The following TYW1B variants were observed in gnomAD, a reference collection of about 807,000 sequenced individuals.
The protein encoded by TYW1B is S-adenosyl-L-methionine-dependent tRNA 4-demethylwyosine synthase TYW1B.
TYW1B carries 73 observed loss-of-function variants against 86.9 expected under a neutral mutation model. That is an observed-to-expected ratio of 0.84 (90% CI 0.70 to 1.02). The LOEUF (loss-of-function observed/expected upper bound fraction) is 1.02, where lower values mean the gene tolerates loss of function less well. TYW1B is among the 50% of genes least tolerant of loss of function. TYW1B has a pLI of 0.00. For synonymous variants in TYW1B, 248 were observed against 292.8 expected (o/e 0.85, Z 1.56); for missense variants, 637 against 827.4 (o/e 0.77, Z 2.82).
At chr7:72,615,293 C>T (rs1812042543) in intron 13 of TYW1B, among the ~76,000 whole-genome samples, 2 of 152,202 alleles carry the variant, frequency 1.3e-5, no homozygotes, top group South Asian at 4.1e-4. Context: ...CCTTTGAATA[C>T]TGCCAATGGT....
At chr7:72,799,598 T>A (rs1304510295) in intron 6 of TYW1B, among the ~76,000 whole-genome samples, 2 of 152,098 alleles carry the variant, frequency 1.3e-5, no homozygotes, top group African/African-American at 4.8e-5. Context: ...CCCAAGTAGC[T>A]GGGACTACAG....
chr7:72,578,947 T>A (rs1811085831), intron 13 of TYW1B, among the ~76,000 whole-genome samples: 1 of 152,158 alleles, frequency 6.6e-6, no homozygotes. Flanking sequence ...ACCCCTCTGG[T>A]TCATAATCCT....
intron 11 of TYW1B, among the ~76,000 whole-genome samples, chr7:72,632,427 T>TATATATACATATATATATAAA (rs1563038892): frequency 1.1e-5 from 1 of 89,826 alleles, no homozygotes; most frequent in East Asian, 2.2e-4. Flanking sequence ...ATATATAAAA[T>TATATATACATATATATATAAA]ATATATATAC....
chr7:72,683,623 T>C (rs1418698768), intron 11 of TYW1B, among the ~76,000 whole-genome samples: 2 of 152,148 alleles, frequency 1.3e-5, no homozygotes, highest in Admixed American at 1.3e-4. Flanking sequence ...GACTACAGAA[T>C]GCTTCCCTTC....
At chr7:72,674,759 CTT>C (rs10712486) in intron 11 of TYW1B, among the ~76,000 whole-genome samples, 13 of 134,118 alleles carry the variant, frequency 9.7e-5, no homozygotes, top group African/African-American at 1.7e-4. Context: ...CCTTTTCTCT[CTT>C]TTTTTTTTTT....
Position 72,657,643 on chromosome 7 carries a change from T to C in TYW1B, c.1507-28646A>G, listed in dbSNP as rs13245834. 8.9e-3 allele frequency among the ~76,000 whole-genome samples: 1,355 copies of C among 152,304 alleles called. 12 individuals carry two copies. Among genetic ancestry groups the C allele is most frequent in the East Asian group, 0.017 (86 of 5,188 alleles). ...TCCATTAGACTAAGAGCAAATTTCT[T>C]AGCAGAACCCTTATAGAACAGGAGA... On this transcript the variant is annotated intron_variant, in intron 11 of 13. Coordinates refer to ENST00000620995, the MANE Select transcript of TYW1B (RefSeq NM_001145440.3).
intron 6 of TYW1B, among the ~76,000 whole-genome samples, chr7:72,790,451 C>T (rs1201451936): frequency 2.6e-5 from 4 of 152,100 alleles, no homozygotes; most frequent in Non-Finnish European, 5.9e-5. Flanking sequence ...AAAAACTGGG[C>T]CAGGCACAGT....
chr7:72,744,499 C>T lies in TYW1B; in HGVS notation c.1067G>A (p.Cys356Tyr). The T allele has an allele frequency of 1.2e-6, 2 of 1,613,032 alleles. No individual in the cohort carries two copies. The highest frequency in any genetic ancestry group is 1.7e-6 in the Non-Finnish European group (2 of 1,179,456). The change falls in exon 8 of 14, where the codon TGT becomes TAT. Residue 356 changes from cysteine to tyrosine, a missense_variant. Coordinates refer to ENST00000620995, the MANE Select transcript of TYW1B (RefSeq NM_001145440.3). ...TTTTACTTACCACCAACAGAAGACA[C>T]ATTTATTAGCACACGCCAAGCTCGG... The part of the protein sequence containing the change: ...TTPSLACANK[C>Y]VFCWWHHNNP...
intron 2 of TYW1B, among the ~76,000 whole-genome samples, chr7:72,824,189 TC>T (rs1371765286): frequency 6.6e-6 from 1 of 152,042 alleles, no homozygotes; most frequent in East Asian, 1.9e-4. Context: ...CTGCGCAACT[TC>T]CACAAGAGGG....
At chr7:72,743,476 G>A (rs1358835230) in intron 8 of TYW1B, among the ~76,000 whole-genome samples, 1 of 152,164 alleles carries the variant, frequency 6.6e-6, no homozygotes, top group Non-Finnish European at 1.5e-5. Flanking sequence ...ACAACAAAAT[G>A]AGCTGCTATG....
At chr7:72,756,305 G>A (rs1297760727) in intron 7 of TYW1B, among the ~76,000 whole-genome samples, 1 of 151,562 alleles carries the variant, frequency 6.6e-6, no homozygotes, top group Non-Finnish European at 1.5e-5. Flanking sequence ...CATGATCTCA[G>A]CTCACTGCAA....
At chr7:72,619,581 C>G (rs1812164764) in intron 12 of TYW1B, among the ~76,000 whole-genome samples, 1 of 144,708 alleles carries the variant, frequency 6.9e-6, no homozygotes, top group South Asian at 2.1e-4. Context: ...GCGGAGCTTG[C>G]AGTGAGCCGA....
At chr7:72,816,737 T>C (rs1203061027) in intron 2 of TYW1B, among the ~76,000 whole-genome samples, 2 of 152,138 alleles carry the variant, frequency 1.3e-5, no homozygotes, top group Non-Finnish European at 2.9e-5. Flanking sequence ...ATTTAATCAA[T>C]AGTGCCTATG....
intron 13 of TYW1B, among the ~76,000 whole-genome samples, chr7:72,587,538 GGGTGGT>G (rs1348315559): frequency 1.2e-4 from 18 of 152,124 alleles, no homozygotes; most frequent in Admixed American, 1.2e-3. Flanking sequence ...GTCAGTTCCT[GGGTGGT>G]GGCCACAAGA....
chr7:72,586,057 G>A (rs1335886934), intron 13 of TYW1B, among the ~76,000 whole-genome samples: 2 of 152,136 alleles, frequency 1.3e-5, no homozygotes, highest in Non-Finnish European at 2.9e-5. Flanking sequence ...TCACTAGAAG[G>A]ACCCACAGAA....
At chr7:72,805,692 C>T (rs1369723218) in intron 5 of TYW1B, among the ~76,000 whole-genome samples, 2 of 151,438 alleles carry the variant, frequency 1.3e-5, no homozygotes, top group African/African-American at 4.9e-5. Flanking sequence ...ACTTGAATTT[C>T]AGATGTGCCT....
intron 11 of TYW1B, among the ~76,000 whole-genome samples, chr7:72,684,304 C>A (rs1217111981): frequency 6.6e-6 from 1 of 151,774 alleles, no homozygotes; most frequent in African/African-American, 2.4e-5. Flanking sequence ...CACAGAAAAT[C>A]AAATATTTAA....
intron 7 of TYW1B, among the ~76,000 whole-genome samples, chr7:72,757,682 G>C (rs1267341988): frequency 2.0e-5 from 3 of 152,142 alleles, no homozygotes; most frequent in African/African-American, 7.2e-5. Flanking sequence ...AGAAAGCCCT[G>C]ACAAACAGAG....
At chr7:72,659,616 T>C (rs1322523134) in intron 11 of TYW1B, among the ~76,000 whole-genome samples, 1 of 151,962 alleles carries the variant, frequency 6.6e-6, no homozygotes, top group African/African-American at 2.4e-5. Context: ...CTGGTGAATA[T>C]GTGTAAGAGG....
Sources: allele counts gnomAD v4.1 joint callset (sites outside exome capture counted in the v4.1 genomes callset), GRCh38; gene constraint gnomAD v4.1.1; transcripts MANE v1.5; gene names NCBI Gene and HGNC (gene_info 2026-07-23, HGNC 2026-07-21).